AHNAK: variants seen among roughly 807,000 people sequenced by gnomAD.
AHNAK encodes AHNAK nucleoprotein.
A neutral mutation model predicts 37.8 loss-of-function variants in AHNAK; 23 were observed. The ratio of observed to expected loss-of-function variants is 0.61; its 90% CI spans 0.44 to 0.86. The LOEUF (loss-of-function observed/expected upper bound fraction) is 0.86. AHNAK is among the 40% of genes least tolerant of loss of function. The pLI, the probability that AHNAK is intolerant of heterozygous loss-of-function variation, is 0.00. For synonymous variants in AHNAK, 2,481 were observed against 2,636.3 expected, an observed-to-expected ratio of 0.94 and a Z score of 1.80; for missense variants, 7,411 against 7,319.4, an observed-to-expected ratio of 1.01 and a Z score of -0.46.
Position 62,524,392 on chromosome 11 carries a change from T to A in AHNAK, c.10025A>T (p.Asn3342Ile), listed in dbSNP as rs768352754. 1 of 1,612,520 alleles carries A rather than the reference T, an allele frequency of 6.2e-7. No individual in the cohort carries two copies. Among genetic ancestry groups the A allele is most frequent in the Non-Finnish European group, 8.5e-7 (1 of 1,179,604 alleles). The change falls in exon 5 of 5, where the codon AAT becomes ATT. Residue 3342 changes from asparagine to isoleucine, a missense_variant. Transcript: ENST00000378024. ...AGATTTCTTTGACTTGCCTTCGATATTAAGCTTAGGACCGGAAACGTCCAC... is the reference window on the plus strand; with the variant it reads ...AGATTTCTTTGACTTGCCTTCGATAATAAGCTTAGGACCGGAAACGTCCAC... ...PEVDVSGPKLNIEGKSKKSRF... is the reference protein window; with the variant it reads ...PEVDVSGPKLIIEGKSKKSRF...
chr11:62,494,013 A>AGAATGAATGAGTGGTGAATAAAT lies in AHNAK; in HGVS notation c.343-2205_343-2183dup, dbSNP rs1419996777. On this transcript the variant is annotated intron_variant, in intron 4 of 5. Transcript: ENST00000257247. ...GGATAGATGAATGATGAGTGATGAA[A>AGAATGAATGAGTGGTGAATAAAT]GAATGAATGAGTGGTGAATAAATGA... is the stretch of plus-strand genomic sequence containing the variant. Among the ~76,000 whole-genome samples the AGAATGAATGAGTGGTGAATAAAT allele has an allele frequency of 2.6e-5, 4 of 152,088 alleles. No individual in the cohort carries two copies. The South Asian group carries it at 8.3e-4, about 32-fold the overall frequency.
At chr11:62,492,265 T>A (rs1187077890) in intron 4 of AHNAK, among the ~76,000 whole-genome samples, 1 of 152,156 alleles carries the variant, frequency 6.6e-6, no homozygotes, top group Non-Finnish European at 1.5e-5. Flanking sequence ...GCCCTCTGGG[T>A]ATCTTTTCTC....
Position 62,532,456 on chromosome 11 carries a change from T to G in AHNAK, c.1961A>C (p.Lys654Thr). Reference protein sequence around the residue: ...EGPDVHMTLPKGDISISGPKV... With the variant: ...EGPDVHMTLPTGDISISGPKV... ...GGGCCCTGAAATACTGATATCTCCTTTGGGTAGAGTCATATGAACATCTGG... is the reference window on the plus strand; with the variant it reads ...GGGCCCTGAAATACTGATATCTCCTGTGGGTAGAGTCATATGAACATCTGG... The change falls in exon 5 of 5, where the codon AAA (lysine) becomes ACA (threonine). Residue 654 changes from lysine (K) to threonine (T), a missense_variant. Transcript: ENST00000378024. 6.2e-7 allele frequency: 1 copy of G among 1,614,040 alleles called. No homozygotes were observed. The highest frequency in any genetic ancestry group is 8.5e-7 in the Non-Finnish European group (1 of 1,180,000).
chr11:62,501,157 G>A (rs1291032576), intron 4 of AHNAK, among the ~76,000 whole-genome samples: 1 of 151,786 alleles, frequency 6.6e-6, no homozygotes, highest in African/African-American at 2.4e-5. Context: ...GTGGCAGATG[G>A]CACCACTGCT....
intron 5 of AHNAK, among the ~76,000 whole-genome samples, chr11:62,449,716 C>T (rs1938493676): frequency 6.6e-6 from 1 of 152,198 alleles, no homozygotes; most frequent in African/African-American, 2.4e-5. Context: ...ATAACAATGA[C>T]TAACGTTTAT....
chr11:62,473,450 C>G (rs1388304342), intron 5 of AHNAK, among the ~76,000 whole-genome samples: 6 of 135,720 alleles, frequency 4.4e-5, no homozygotes, highest in South Asian at 4.7e-4. Flanking sequence ...AATCCCAGCA[C>G]TTTGGGAGGC....
intron 5 of AHNAK, among the ~76,000 whole-genome samples, chr11:62,464,969 G>T (rs7131033): frequency 1.3e-5 from 2 of 152,078 alleles, no homozygotes; most frequent in Admixed American, 1.3e-4. Context: ...AGACACAGTC[G>T]GGAACCCCTT....
Position 62,533,154 on chromosome 11 carries a change from ATCAATGTCAGGGGCCTGAACT to A in AHNAK, c.1242_1262del (p.Glu414_Ile420del). On this transcript the variant is annotated inframe_deletion, in exon 5 of 5. Transcript: ENST00000378024. Reference sequence around the variant, plus strand: ...TCAGTTTGCTCCCAGGCCCCTGAACATCAATGTCAGGGGCCTGAACTTCCACACTGGGGCCAGTGATGCTAC... The same window carrying A: ...TCAGTTTGCTCCCAGGCCCCTGAACATCCACACTGGGGCCAGTGATGCTAC... 1 of 1,541,780 alleles carries A rather than the reference ATCAATGTCAGGGGCCTGAACT, an allele frequency of 6.5e-7. No individual in the cohort carries two copies. The highest frequency in any genetic ancestry group is 8.7e-7 in the Non-Finnish European group (1 of 1,150,362).
At chr11:62,488,734 T>G (rs12273761) in intron 5 of AHNAK, among the ~76,000 whole-genome samples, 21,982 of 151,430 alleles carry the variant, frequency 0.15, 3,915 homozygotes, top group African/African-American at 0.42. Context: ...TTATATTCCA[T>G]GCAGACTGTG....
intron 5 of AHNAK, among the ~76,000 whole-genome samples, chr11:62,488,402 CT>C (rs11310515): frequency 0.14 from 20,500 of 143,588 alleles, 3,275 homozygotes; most frequent in African/African-American, 0.4. Flanking sequence ...ATCTGTCTAG[CT>C]TTTTTTTTTT....
intron 5 of AHNAK, among the ~76,000 whole-genome samples, chr11:62,462,091 A>C (rs1337466048): frequency 1.3e-5 from 2 of 152,202 alleles, no homozygotes; most frequent in Non-Finnish European, 2.9e-5. Flanking sequence ...AGCACAAGGC[A>C]CATTATTTCA....
chr11:62,531,313 T>C lies in AHNAK; in HGVS notation c.3104A>G (p.Asp1035Gly), dbSNP rs369263222. ...AAGGCTCAGATCTGGAGCATTAGTATCTACTTTTGGTGCAGAAATGTCCAC... is the reference window on the plus strand; with the variant it reads ...AAGGCTCAGATCTGGAGCATTAGTACCTACTTTTGGTGCAGAAATGTCCAC... ...ANVDISAPKVDTNAPDLSLEG... is the reference protein window; with the variant it reads ...ANVDISAPKVGTNAPDLSLEG... Residue 1035 changes from aspartate to glycine, a missense_variant, in exon 5 of 5, where the codon GAT becomes GGT. Transcript: ENST00000378024. The C allele has an allele frequency of 1.5e-5, 25 of 1,613,632 alleles. 1 individual carries two copies. Among genetic ancestry groups the C allele is most frequent in the Non-Finnish European group, 2.0e-5 (24 of 1,179,894 alleles).
chr11:62,493,011 CT>C (rs960994580), intron 4 of AHNAK, among the ~76,000 whole-genome samples: 172 of 133,312 alleles, frequency 1.3e-3, no homozygotes, highest in South Asian at 9.7e-3. Context: ...CTTTTCTTTT[CT>C]TTTTTTTTTT....
chr11:62,510,233 T>C (rs1252867040), intron 4 of AHNAK, among the ~76,000 whole-genome samples: 9 of 151,546 alleles, frequency 5.9e-5, no homozygotes, highest in African/African-American at 2.2e-4. Context: ...TTAGTAGAGA[T>C]GGGGTTTCAC....
intron 1 of AHNAK, among the ~76,000 whole-genome samples, chr11:62,541,078 G>C (rs750371776): frequency 3.9e-5 from 6 of 152,186 alleles, no homozygotes; most frequent in Admixed American, 6.5e-5. Flanking sequence ...GATGGAAACC[G>C]GGCCAACTGC....
In AHNAK at chr11:62,493,883, G is replaced by A. The variant is rs11231114; in HGVS notation, c.343-2052C>T. Among the ~76,000 whole-genome samples the A allele has an allele frequency of 2.0e-5, 3 of 152,142 alleles. No homozygotes were observed. The South Asian group carries it at 6.2e-4, about 32-fold the overall frequency. The stretch of plus-strand genomic sequence containing the variant: ...TTAAATTTTTCCTCCCCATAATGAA[G>A]CAAATTCTTCATTAGAGTTTTCTAG... On this transcript the variant is annotated intron_variant, in intron 4 of 5. Transcript: ENST00000257247.
At chr11:62,433,778 G>T (rs966606112) in exon 6 of AHNAK, 5 of 1,509,216 alleles carry the variant, frequency 3.3e-6, no homozygotes, top group African/African-American at 2.8e-5. Context: ...GCAGGTGTTT[G>T]TTGCCCTTGG....
At position 62,523,447 on chromosome 11, in the gene AHNAK, G is replaced by T; in HGVS notation, c.10970C>A (p.Pro3657His). 1 of 1,613,186 alleles carries T rather than the reference G, an allele frequency of 6.2e-7. No homozygotes were observed. The highest frequency in any genetic ancestry group is 8.5e-7 in the Non-Finnish European group (1 of 1,179,776). The change falls in exon 5 of 5, where the codon CCC becomes CAC. Residue 3657 changes from proline (P) to histidine (H), a missense_variant. Physicochemically the swap from Pro to His is moderately conservative, Grantham distance 77 (BLOSUM62 -2). Transcript: ENST00000378024. Reference protein sequence around the residue: ...IEGPDAKLKGPKFKMPEMNIK... With the variant: ...IEGPDAKLKGHKFKMPEMNIK... ...GTTCATCTCAGGCATCTTGAACTTG[G>T]GGCCCTTCAGCTTTGCATCTGGACC...
At chr11:62,509,557 A>AAAAG (rs906271965) in intron 4 of AHNAK, among the ~76,000 whole-genome samples, 2 of 152,004 alleles carry the variant, frequency 1.3e-5, no homozygotes, top group South Asian at 4.2e-4. Context: ...TCTCAAAAAA[A>AAAAG]AAAGAAAGAA....
Sources: allele counts gnomAD v4.1 joint callset (sites outside exome capture counted in the v4.1 genomes callset), GRCh38; gene constraint gnomAD v4.1.1; transcripts MANE v1.5; gene names NCBI Gene and HGNC (gene_info 2026-07-23, HGNC 2026-07-21).